TBL1XR1: variants seen among roughly 807,000 people sequenced by gnomAD.
The protein encoded by TBL1XR1 is F-box-like/WD repeat-containing protein TBL1XR1.
TBL1XR1 carries 5 observed loss-of-function variants against 66.9 expected under a neutral mutation model. That is an observed-to-expected ratio of 0.07 (90% CI 0.04 to 0.16). The LOEUF (loss-of-function observed/expected upper bound fraction) is 0.16. Among genes scored for constraint, TBL1XR1 ranks in the 10% least tolerant of loss-of-function variants. The pLI, the probability that TBL1XR1 is intolerant of heterozygous loss-of-function variation, is 1.00. For missense variants in TBL1XR1, 238 were observed against 623.2 expected (o/e 0.38, Z 6.58); for synonymous variants, 210 against 206.0 (o/e 1.02, Z -0.17).
chr3:177,028,115 A>G (rs1012912047), intron 14 of TBL1XR1, among the ~76,000 whole-genome samples: 1 of 152,208 alleles, frequency 6.6e-6, no homozygotes, highest in African/African-American at 2.4e-5. Context: ...GGCTCAGATC[A>G]TCGGCATCTA....
intron 12 of TBL1XR1, 108 bp downstream of exon 12, chr3:177,037,990 A>G: frequency 1.2e-6 from 1 of 829,874 alleles, no homozygotes; most frequent in Non-Finnish European, 1.9e-6. Context: ...GTTTTCATGC[A>G]GGTACAAACA....
At chr3:177,196,792 G>C (rs1736917080) in intron 1 of TBL1XR1, among the ~76,000 whole-genome samples, 1 of 151,852 alleles carries the variant, frequency 6.6e-6, no homozygotes, top group South Asian at 2.1e-4. Context: ...GGGAGGAAGA[G>C]GGGGAGAAGG....
intron 3 of TBL1XR1, among the ~76,000 whole-genome samples, chr3:177,062,185 T>TA (rs1376394642): frequency 6.6e-6 from 1 of 152,212 alleles, no homozygotes; most frequent in Non-Finnish European, 1.5e-5. Context: ...CAGCCCCTCT[T>TA]TAGGATATGC....
At chr3:177,182,395 G>A (rs924389749) in intron 1 of TBL1XR1, among the ~76,000 whole-genome samples, 21 of 152,102 alleles carry the variant, frequency 1.4e-4, no homozygotes, top group African/African-American at 5.1e-4. Context: ...AGAAAAAGAA[G>A]AAAACTCTGA....
At chr3:177,090,703 C>T (rs1722718982) in intron 2 of TBL1XR1, among the ~76,000 whole-genome samples, 1 of 151,884 alleles carries the variant, frequency 6.6e-6, no homozygotes, top group African/African-American at 2.4e-5. Flanking sequence ...TCCAGTTGCC[C>T]AGGAGGCCAA....
intron 1 of TBL1XR1, among the ~76,000 whole-genome samples, chr3:177,176,906 G>A (rs1734224370): frequency 6.6e-6 from 1 of 152,122 alleles, no homozygotes; most frequent in African/African-American, 2.4e-5. Flanking sequence ...CTTGAGCCCA[G>A]GAGGTCAAGG....
At chr3:177,069,856 A>AAGGAAG (rs1486024858) in intron 2 of TBL1XR1, among the ~76,000 whole-genome samples, 11 of 115,268 alleles carry the variant, frequency 9.5e-5, no homozygotes, top group African/African-American at 1.3e-4. Flanking sequence ...AAGGAAGGAA[A>AAGGAAG]AACAACACAC....
chr3:177,129,770 A>G (rs1728064583), intron 1 of TBL1XR1, among the ~76,000 whole-genome samples: 2 of 152,344 alleles, frequency 1.3e-5, no homozygotes, highest in Middle Eastern at 3.4e-3. Context: ...ATAACACTCT[A>G]TAGTGTTATA....
At chr3:177,172,063 C>T (rs1167314066) in intron 1 of TBL1XR1, among the ~76,000 whole-genome samples, 1 of 151,590 alleles carries the variant, frequency 6.6e-6, no homozygotes, top group Non-Finnish European at 1.5e-5. Flanking sequence ...AGATTGAGAC[C>T]ATCCTGGCTA....
At chr3:177,033,162 A>G in intron 13 of TBL1XR1, 26 bp from the exon 14 acceptor site, 1 of 1,495,466 alleles carries the variant, frequency 6.7e-7, no homozygotes, top group Non-Finnish European at 9.0e-7. Context: ...AAGAAAGTTA[A>G]TTTATAAGTA....
rs913861687 is a variant in TBL1XR1 at position 177,020,447 on chromosome 3, A to T, written c.*5051T>A. 1.3e-5 allele frequency: 2 copies of T among 152,192 alleles called. No individual in the cohort carries two copies. The highest frequency in any genetic ancestry group is 4.8e-5 in the African/African-American group (2 of 41,458). 9.4% of individuals were successfully genotyped at this position (152,192 alleles called of 1,614,324 possible). ...AAGTAATAAAAATAGTAAAATTTGT[A>T]ATTTTATTATGGGCTTAAAGTATAT... On this transcript the variant is annotated 3_prime_UTR_variant, in exon 16 of 16. Transcript: ENST00000457928.
intron 10 of TBL1XR1, among the ~76,000 whole-genome samples, chr3:177,040,336 G>C (rs1032131706): frequency 6.6e-6 from 1 of 151,990 alleles, no homozygotes; most frequent in Non-Finnish European, 1.5e-5. Flanking sequence ...AAAACAAAAA[G>C]TTTAGCTATG....
At chr3:177,173,100 T>C (rs2108935076) in intron 1 of TBL1XR1, among the ~76,000 whole-genome samples, 1 of 152,208 alleles carries the variant, frequency 6.6e-6, no homozygotes, top group South Asian at 2.1e-4. Context: ...GGCAGGAGAA[T>C]CGCTTGAACC....
intron 1 of TBL1XR1, among the ~76,000 whole-genome samples, chr3:177,179,781 G>A (rs1734585938): frequency 6.6e-6 from 1 of 152,158 alleles, no homozygotes; most frequent in Admixed American, 6.6e-5. Flanking sequence ...TCAGAACAAA[G>A]GAGCCAACCA....
intron 1 of TBL1XR1, among the ~76,000 whole-genome samples, chr3:177,181,492 A>AG (rs1459528374): frequency 4.0e-5 from 6 of 151,578 alleles, no homozygotes; most frequent in African/African-American, 1.5e-4. Flanking sequence ...AAAAAAAAAA[A>AG]AAGAACGCCT....
At chr3:177,041,683 C>T (rs1715607484) in intron 10 of TBL1XR1, among the ~76,000 whole-genome samples, 1 of 152,196 alleles carries the variant, frequency 6.6e-6, no homozygotes, top group African/African-American at 2.4e-5. Flanking sequence ...GCAGTCAACT[C>T]TCATTCGTTC....
At chr3:177,033,213 T>C in intron 13 of TBL1XR1, 77 bp from the exon 14 acceptor site, 1 of 1,287,826 alleles carries the variant, frequency 7.8e-7, no homozygotes, top group Non-Finnish European at 1.0e-6. Context: ...CAACCTCCCA[T>C]ATTCAGCCAA....
intron 13 of TBL1XR1, among the ~76,000 whole-genome samples, 188 bp from the exon 14 acceptor site, chr3:177,033,324 G>C (rs1000427168): frequency 6.6e-6 from 1 of 151,964 alleles, no homozygotes; most frequent in Non-Finnish European, 1.5e-5. Flanking sequence ...ATAAATAAAT[G>C]AAATTTAGAA....
At chr3:177,109,726 T>C (rs1725321490) in intron 1 of TBL1XR1, among the ~76,000 whole-genome samples, 1 of 151,904 alleles carries the variant, frequency 6.6e-6, no homozygotes, top group African/African-American at 2.4e-5. Flanking sequence ...ATAAATGCTA[T>C]GAAAAAAGAA....
Sources: gnomAD v4.1 joint callset for allele counts (sites outside exome capture counted in the v4.1 genomes callset) on GRCh38, gnomAD v4.1.1 for gene constraint, MANE v1.5 for transcripts, NCBI Gene and HGNC (gene_info 2026-07-23, HGNC 2026-07-21) for gene names.